TMEM117: variants seen among roughly 807,000 people sequenced by gnomAD.
TMEM117 encodes transmembrane protein 117.
In TMEM117, 27 loss-of-function variants were observed where a neutral mutation model predicts 52.4. The ratio of observed to expected loss-of-function variants is 0.51; its 90% CI spans 0.38 to 0.71. The LOEUF (loss-of-function observed/expected upper bound fraction) is 0.71, where lower values mean the gene tolerates loss of function less well. TMEM117 is among the 30% of genes least tolerant of loss of function. The pLI is 0.00. For missense variants in TMEM117, 556 were observed against 630.5 expected, an observed-to-expected ratio of 0.88 and a Z score of 1.26; for synonymous variants, 215 against 206.3, an observed-to-expected ratio of 1.04 and a Z score of -0.36.
chr12:43,811,486 T>C, the TMEM117 span, among the ~76,000 whole-genome samples: 1 of 152,208 alleles, frequency 6.6e-6, no homozygotes, highest in East Asian at 1.9e-4. Context: ...TCAAGAAAAA[T>C]AACTTCCATT....
chr12:44,274,754 C>T (rs1412798602), intron 5 of TMEM117, among the ~76,000 whole-genome samples: 4 of 151,978 alleles, frequency 2.6e-5, no homozygotes, highest in African/African-American at 4.8e-5. Flanking sequence ...TATAAATACT[C>T]GGAAGAATGA....
intron 3 of TMEM117, among the ~76,000 whole-genome samples, chr12:43,963,375 A>T (rs1273118355): frequency 1.3e-5 from 2 of 152,218 alleles, no homozygotes; most frequent in Non-Finnish European, 2.9e-5. Context: ...GTTATGAGTA[A>T]CAAAGAGATA....
intron 3 of TMEM117, among the ~76,000 whole-genome samples, chr12:43,969,054 TCA>T (rs1234641064): frequency 6.7e-6 from 1 of 149,170 alleles, no homozygotes; most frequent in African/African-American, 2.6e-5. Flanking sequence ...GCTGGTAATG[TCA>T]CAGTATCACT....
intron 4 of TMEM117, among the ~76,000 whole-genome samples, chr12:44,190,044 T>C (rs932807265): frequency 6.6e-6 from 1 of 152,132 alleles, no homozygotes; most frequent in Non-Finnish European, 1.5e-5. Flanking sequence ...AGGCCAAGGA[T>C]TGGTCCACAT....
intron 4 of TMEM117, among the ~76,000 whole-genome samples, chr12:44,168,186 G>T (rs1948995608): frequency 6.6e-6 from 1 of 151,946 alleles, no homozygotes; most frequent in Non-Finnish European, 1.5e-5. Flanking sequence ...CCGGGAGGCG[G>T]AGGTTGCAGG....
At chr12:43,986,584 C>A (rs372896962) in intron 3 of TMEM117, among the ~76,000 whole-genome samples, 27 of 152,166 alleles carry the variant, frequency 1.8e-4, no homozygotes, top group African/African-American at 6.3e-4. Flanking sequence ...ATTTGTCTTC[C>A]TTAGAACTTC....
chr12:44,067,634 T>A (rs1340331367), intron 3 of TMEM117, among the ~76,000 whole-genome samples: 1 of 152,218 alleles, frequency 6.6e-6, no homozygotes, highest in African/African-American at 2.4e-5. Context: ...AACGGTGGGC[T>A]TAAAATATTC....
At position 44,023,601 on chromosome 12, in the gene TMEM117, C is replaced by T. The variant is rs529541224; in HGVS notation, c.410+79259C>T. Among the ~76,000 whole-genome samples the T allele has an allele frequency of 9.2e-5, 14 of 152,070 alleles. No individual in the cohort carries two copies. In the South Asian group the frequency reaches 1.7e-3, roughly 18 times the overall value. ...TGATGATGAGCATTTTTTCATGTGT[C>T]TGTTGGCTGCATAAATGTCTTCTTT... On this transcript the variant is annotated intron_variant, in intron 3 of 7. Transcript: ENST00000266534.
At chr12:43,991,786 A>G (rs1945946040) in intron 3 of TMEM117, among the ~76,000 whole-genome samples, 1 of 152,186 alleles carries the variant, frequency 6.6e-6, no homozygotes, top group African/African-American at 2.4e-5. Context: ...CCATACTATC[A>G]TCTTAAATGA....
At chr12:43,946,993 T>G (rs1261842953) in intron 3 of TMEM117, among the ~76,000 whole-genome samples, 2 of 152,164 alleles carry the variant, frequency 1.3e-5, no homozygotes, top group African/African-American at 2.4e-5. Context: ...AGGTGCCACA[T>G]TTTAGAAAAA....
intron 2 of TMEM117, among the ~76,000 whole-genome samples, chr12:43,920,018 C>T (rs1944665723): frequency 6.6e-6 from 1 of 151,768 alleles, no homozygotes; most frequent in South Asian, 2.1e-4. Context: ...TAATGGAAAT[C>T]CAGATTCAAT....
chr12:43,933,203 CTTT>C (rs777405057), intron 2 of TMEM117, among the ~76,000 whole-genome samples: 4 of 142,446 alleles, frequency 2.8e-5, no homozygotes, highest in African/African-American at 5.1e-5. Flanking sequence ...GTAATATTAA[CTTT>C]TTTTTTTTTT....
chr12:44,098,259 A>G lies in TMEM117; in HGVS notation c.411-45266A>G, dbSNP rs188154247. ...GTCCCTGACCCCTCAGAGGTCTTACAGTCATAGAGGTCAGTGATGGCATGA... is the reference window on the plus strand; with the variant it reads ...GTCCCTGACCCCTCAGAGGTCTTACGGTCATAGAGGTCAGTGATGGCATGA... On this transcript the variant is annotated intron_variant, in intron 3 of 7. Coordinates refer to ENST00000266534, the MANE Select transcript of TMEM117 (RefSeq NM_032256.3). 1.6e-3 allele frequency among the ~76,000 whole-genome samples: 239 copies of G among 152,184 alleles called. 3 individuals are homozygous for G. The highest frequency in any genetic ancestry group is 5.3e-3 in the African/African-American group (221 of 41,550).
chr12:43,964,918 A>G (rs1408444981), intron 3 of TMEM117, among the ~76,000 whole-genome samples: 11 of 152,236 alleles, frequency 7.2e-5, no homozygotes, highest in South Asian at 2.1e-4. Context: ...ACAGAACTTT[A>G]TGGAGATATG....
At chr12:44,139,690 G>A (rs1309654081) in intron 3 of TMEM117, among the ~76,000 whole-genome samples, 2 of 152,090 alleles carry the variant, frequency 1.3e-5, no homozygotes, top group Non-Finnish European at 2.9e-5. Context: ...AACAAAGGAT[G>A]TATGAGTTGT....
chr12:44,358,824 G>A (rs55885620), intron 6 of TMEM117, among the ~76,000 whole-genome samples: 2,239 of 152,204 alleles, frequency 0.015, 68 homozygotes, highest in African/African-American at 0.05. Flanking sequence ...ACTCCTGGGA[G>A]TTTGGTGTAA....
At chr12:44,242,589 T>C (rs1032671036) in intron 5 of TMEM117, among the ~76,000 whole-genome samples, 14 of 151,130 alleles carry the variant, frequency 9.3e-5, no homozygotes, top group African/African-American at 3.1e-4. Context: ...TGAATAGTGC[T>C]GCAGTTAACA....
chr12:44,384,862 A>G (rs1366068174), intron 7 of TMEM117, among the ~76,000 whole-genome samples: 1 of 152,162 alleles, frequency 6.6e-6, no homozygotes, highest in African/African-American at 2.4e-5. Context: ...TTGGCAAACA[A>G]TATATTTCAG....
intron 5 of TMEM117, among the ~76,000 whole-genome samples, chr12:44,278,607 T>C (rs1950543071): frequency 6.6e-6 from 1 of 152,208 alleles, no homozygotes; most frequent in African/African-American, 2.4e-5. Flanking sequence ...TGAAAAGCAA[T>C]GATGTTAAAG....
Sources: gnomAD v4.1 joint callset for allele counts (sites outside exome capture counted in the v4.1 genomes callset) on GRCh38, gnomAD v4.1.1 for gene constraint, MANE v1.5 for transcripts, NCBI Gene and HGNC (gene_info 2026-07-23, HGNC 2026-07-21) for gene names.